Variants in CSNK2A1 observed in about 807,000 individuals in gnomAD.
The protein encoded by CSNK2A1 is casein kinase II subunit alpha.
CSNK2A1 carries 10 observed loss-of-function variants against 62.9 expected under a neutral mutation model. That is an observed-to-expected ratio of 0.16 (90% CI 0.10 to 0.27). The LOEUF (loss-of-function observed/expected upper bound fraction) is 0.27, where lower values mean the gene tolerates loss of function less well. Among genes scored for constraint, CSNK2A1 ranks in the 10% least tolerant of loss-of-function variants. The pLI is 1.00. For synonymous variants in CSNK2A1, 124 were observed against 167.8 expected (o/e 0.74, Z 2.02); for missense variants, 160 against 492.0 (o/e 0.33, Z 6.38).
intron 12 of CSNK2A1, 42 bp from the exon 13 acceptor site, chr20:486,504 A>G: frequency 6.2e-7 from 1 of 1,606,864 alleles, no homozygotes; most frequent in South Asian, 1.1e-5. Flanking sequence ...TTTGCTTGAA[A>G]GATTAAACTA....
chr20:504,509 AAAG>A (rs2018536063), intron 4 of CSNK2A1: 1 of 152,250 alleles, frequency 6.6e-6, no homozygotes, highest in African/African-American at 2.4e-5. Flanking sequence ...CCAACACTTA[AAAG>A]TCAGGAAAAT....
chr20:525,697 GCA>G (rs1048056833), intron 2 of CSNK2A1, among the ~76,000 whole-genome samples: 1 of 149,990 alleles, frequency 6.7e-6, no homozygotes, highest in African/African-American at 2.4e-5. Context: ...ATTAGGCTGT[GCA>G]CAGTGGCTAA....
At chr20:524,457 T>C (rs1181392584) in intron 2 of CSNK2A1, among the ~76,000 whole-genome samples, 1 of 138,208 alleles carries the variant, frequency 7.2e-6, no homozygotes, top group Non-Finnish European at 1.6e-5. Flanking sequence ...AACAAATAAA[T>C]AAAAGAGATA....
At chr20:521,987 C>T (rs2018958777) in intron 2 of CSNK2A1, among the ~76,000 whole-genome samples, 1 of 152,218 alleles carries the variant, frequency 6.6e-6, no homozygotes, top group Admixed American at 6.5e-5. Flanking sequence ...GGCCATGGGC[C>T]TGTACCAGTT....
chr20:503,198 G>C (rs1489030398), intron 4 of CSNK2A1: 1 of 319,292 alleles, frequency 3.1e-6, no homozygotes, highest in African/African-American at 2.1e-5. Context: ...AGGCTGGAGT[G>C]CAGTGGTTTG....
chr20:503,337 A>G, intron 4 of CSNK2A1: 1 of 396,780 alleles, frequency 2.5e-6, no homozygotes, highest in Non-Finnish European at 4.4e-6. Context: ...ATGGATAAAC[A>G]TGTCCTAGGT....
chr20:542,296 G>C (rs2019466660), intron 1 of CSNK2A1, among the ~76,000 whole-genome samples: 1 of 152,180 alleles, frequency 6.6e-6, no homozygotes, highest in Non-Finnish European at 1.5e-5. Flanking sequence ...GAGGCTTAGA[G>C]AGTTTAGGTC....
rs746624346 is a variant in CSNK2A1, at chr20:505,351, G to GTTTT, written c.102-126_102-123dup. On this transcript the variant is annotated intron_variant, in intron 3 of 13. Transcript: ENST00000217244. ...AGTATTTCAAACAATTCCCAAATAG[G>GTTTT]TTTTTTTTTTTTTTTTTTTTTTTTT... The GTTTT allele has an allele frequency of 3.1e-3, 735 of 235,864 alleles. 16 individuals carry two copies. Among genetic ancestry groups the GTTTT allele is most frequent in the African/African-American group, 0.017 (401 of 23,676 alleles). The allele number at this position is 235,864 out of a possible 1,614,324, so 14.6% of individuals were successfully genotyped here.
chr20:515,936 C>A (rs1356090308), intron 2 of CSNK2A1, among the ~76,000 whole-genome samples: 3 of 152,206 alleles, frequency 2.0e-5, no homozygotes, highest in Non-Finnish European at 4.4e-5. Flanking sequence ...CCCTCTCTCT[C>A]TTTCCCAATA....
chr20:492,450 A>T, intron 8 of CSNK2A1, 86 bp from the exon 9 acceptor site: 1 of 1,316,074 alleles, frequency 7.6e-7, no homozygotes, highest in South Asian at 1.3e-5. Context: ...AAAATATACC[A>T]GACACGTCAC....
In CSNK2A1 at chr20:483,517, T is replaced by G. The variant is rs2017997460; in HGVS notation, c.*444A>C. On this transcript the variant is annotated 3_prime_UTR_variant, in exon 14 of 14. Transcript: ENST00000217244. ...TTTCTTCCTGCCTCCCCTGAGAAGC[T>G]ACATTTTTGTAATCTCTGGAGAAGA... The G allele has an allele frequency of 6.6e-6, 1 of 152,666 alleles. No homozygotes were observed. The allele number at this position is 152,666 out of a possible 1,614,324, so 9.5% of individuals were successfully genotyped here.
intron 11 of CSNK2A1, 39 bp downstream of exon 11, chr20:488,639 C>T: frequency 1.9e-6 from 3 of 1,596,198 alleles, no homozygotes; most frequent in Middle Eastern, 1.7e-4. Context: ...TCTCAAAGTG[C>T]TTAAGCCACA....
At chr20:517,772 G>C (rs1393130660) in intron 2 of CSNK2A1, among the ~76,000 whole-genome samples, 1 of 152,046 alleles carries the variant, frequency 6.6e-6, no homozygotes, top group Non-Finnish European at 1.5e-5. Flanking sequence ...TCTTCTATAA[G>C]AAACACATCA....
chr20:543,739 G>A lies in CSNK2A1; in HGVS notation c.-294C>T, dbSNP rs1164242469. 1.0e-5 allele frequency: 4 copies of A among 398,324 alleles called. No individual in the cohort carries two copies. The East Asian group carries it at 1.1e-4, about 11-fold the overall frequency. 24.7% of individuals were successfully genotyped at this position (398,324 alleles called of 1,614,324 possible). On this transcript the variant is annotated 5_prime_UTR_variant, in exon 1 of 14. Coordinates refer to ENST00000217244, the MANE Select transcript of CSNK2A1 (RefSeq NM_177559.3). The stretch of plus-strand genomic sequence containing the variant: ...CTCACACAGACAATATGGCGGCGAT[G>A]GAGGAGGAGACACACGGCTCGGCCG...
chr20:519,144 G>A (rs2122602235), intron 2 of CSNK2A1, among the ~76,000 whole-genome samples: 1 of 151,704 alleles, frequency 6.6e-6, no homozygotes, highest in South Asian at 2.1e-4. Flanking sequence ...CCATGTTTTG[G>A]CCAGGCTGGT....
At chr20:503,470 C>T (rs1228649159) in intron 4 of CSNK2A1, 2 of 398,424 alleles carry the variant, frequency 5.0e-6, no homozygotes, top group African/African-American at 4.1e-5. Flanking sequence ...TGTGAAGCAC[C>T]CCAGCAATGC....
intron 2 of CSNK2A1, among the ~76,000 whole-genome samples, chr20:520,410 T>C (rs1043362561): frequency 6.6e-6 from 1 of 152,236 alleles, no homozygotes; most frequent in African/African-American, 2.4e-5. Context: ...AGTACAGAAA[T>C]ACACTCACAC....
rs1304333140 is a variant in CSNK2A1, at chr20:479,981, G to A, written c.*3980C>T. 6.6e-6 allele frequency: 1 copy of A among 152,188 alleles called. No homozygotes were observed. Among genetic ancestry groups the A allele is most frequent in the African/African-American group, 2.4e-5 (1 of 41,456 alleles). The allele number at this position is 152,188 out of a possible 1,614,324, so 9.4% of individuals were successfully genotyped here. A position where few individuals can be genotyped will look rare whatever the true frequency, so the allele number is the denominator to read the frequency against. On this transcript the variant is annotated 3_prime_UTR_variant, in exon 14 of 14. Transcript: ENST00000217244. ...CTTCTGGTCCCAACCATTTTGGATAGGGGATATTCAACCTATATTACACAC... is the reference window on the plus strand; with the variant it reads ...CTTCTGGTCCCAACCATTTTGGATAAGGGATATTCAACCTATATTACACAC...
At chr20:496,254 T>C (rs1480811471) in intron 7 of CSNK2A1, 3 of 165,892 alleles carry the variant, frequency 1.8e-5, no homozygotes, top group Admixed American at 1.7e-4. Flanking sequence ...CTTTTGTAAA[T>C]AATGTTTTAT....
Sources: allele counts gnomAD v4.1 joint callset (sites outside exome capture counted in the v4.1 genomes callset), GRCh38; gene constraint gnomAD v4.1.1; transcripts MANE v1.5; gene names NCBI Gene and HGNC (gene_info 2026-07-23, HGNC 2026-07-21).